The following DLGAP2 variants were observed in gnomAD, a reference collection of about 807,000 sequenced individuals.
The protein encoded by DLGAP2 is DLG associated protein 2.
A neutral mutation model predicts 100.3 loss-of-function variants in DLGAP2; 26 were observed. That is an observed-to-expected ratio of 0.26 (90% CI 0.19 to 0.36). The LOEUF (loss-of-function observed/expected upper bound fraction) is 0.36. DLGAP2 is among the 10% of genes least tolerant of loss of function. The pLI is 1.00. For synonymous variants in DLGAP2, 886 were observed against 630.1 expected (o/e 1.41, Z -6.08); for missense variants, 1,858 against 1,453.2 (o/e 1.28, Z -4.53).
intron 3 of DLGAP2, among the ~76,000 whole-genome samples, chr8:1,269,582 C>G (rs1025494375): frequency 2.0e-5 from 3 of 152,184 alleles, no homozygotes; most frequent in Non-Finnish European, 4.4e-5. Flanking sequence ...GCTCTCCTCT[C>G]TGATTGGTAC....
chr8:1,358,131 AAG>A (rs766957635), intron 3 of DLGAP2, among the ~76,000 whole-genome samples: 1 of 152,162 alleles, frequency 6.6e-6, no homozygotes, highest in Middle Eastern at 3.2e-3. Flanking sequence ...TGTAAAATAA[AAG>A]AGAAAATCCA....
chr8:1,094,029 GGGTGGAGGGAGGGCAGCTCCGC>G (rs897440609), intron 2 of DLGAP2, among the ~76,000 whole-genome samples: 20 of 151,460 alleles, frequency 1.3e-4, no homozygotes, highest in East Asian at 3.9e-4. Flanking sequence ...GCTTCGCGGT[GGGTGGAGGGAGGGCAGCTCCGC>G]GGTGGAGGGA....
chr8:1,616,519 A>G (rs1193745479), intron 6 of DLGAP2, among the ~76,000 whole-genome samples: 2 of 152,234 alleles, frequency 1.3e-5, no homozygotes, highest in Non-Finnish European at 2.9e-5. Context: ...CAGAAACCAG[A>G]GGAATAATTA....
At chr8:1,486,793 A>G (rs1351986381) in intron 3 of DLGAP2, among the ~76,000 whole-genome samples, 2 of 152,248 alleles carry the variant, frequency 1.3e-5, no homozygotes, top group Non-Finnish European at 2.9e-5. Flanking sequence ...AGAATCATGC[A>G]TTTGAGTCAC....
At chr8:1,515,154 G>C (rs1800321229) in intron 4 of DLGAP2, among the ~76,000 whole-genome samples, 1 of 152,158 alleles carries the variant, frequency 6.6e-6, no homozygotes, top group Non-Finnish European at 1.5e-5. Flanking sequence ...AGGAGACATG[G>C]AAGGCAGCCT....
Position 1,288,560 on chromosome 8 carries a change from G to GGTT in DLGAP2, c.106+29678_106+29680dup, listed in dbSNP as rs1554434988. 2.0e-3 allele frequency among the ~76,000 whole-genome samples: 246 copies of GGTT among 125,798 alleles called. 4 individuals are homozygous for GGTT. Among genetic ancestry groups the GGTT allele is most frequent in the South Asian group, 6.6e-3 (24 of 3,656 alleles). 82.5% of individuals were successfully genotyped at this position (125,798 alleles called of 152,430 possible). A position where few individuals can be genotyped will look rare whatever the true frequency, so the allele number is the denominator to read the frequency against. On this transcript the variant is annotated intron_variant, in intron 3 of 14. Coordinates refer to ENST00000637795, the MANE Select transcript of DLGAP2 (RefSeq NM_001346810.2). ...GTTGAGTGTGTGTGTGTGTGTGTGT[G>GGTT]GTTAGGAGGGGAACTAGTTTCAGTT...
intron 3 of DLGAP2, among the ~76,000 whole-genome samples, chr8:1,260,145 C>A (rs1421168602): frequency 6.6e-6 from 1 of 152,072 alleles, no homozygotes; most frequent in African/African-American, 2.4e-5. Flanking sequence ...CAGGTCCTTT[C>A]CCCTGGAGAC....
At chr8:1,054,280 G>GCA (rs369833010) in intron 2 of DLGAP2, among the ~76,000 whole-genome samples, 17 of 151,290 alleles carry the variant, frequency 1.1e-4, no homozygotes, top group African/African-American at 2.9e-4. Context: ...GGACACACAC[G>GCA]CACACACACA....
intron 3 of DLGAP2, among the ~76,000 whole-genome samples, chr8:1,342,106 A>T (rs1323717452): frequency 6.6e-6 from 1 of 151,448 alleles, no homozygotes; most frequent in Admixed American, 6.6e-5. Flanking sequence ...AGGTGCCCCT[A>T]CCCCCAGCTG....
chr8:1,426,082 G>C (rs919723826), intron 3 of DLGAP2, among the ~76,000 whole-genome samples: 2 of 152,184 alleles, frequency 1.3e-5, no homozygotes, highest in Non-Finnish European at 2.9e-5. Flanking sequence ...CCCTAAGGCC[G>C]GGAGAAAGCG....
At chr8:759,538 G>C (rs548897196) in intron 1 of DLGAP2, among the ~76,000 whole-genome samples, 3 of 152,180 alleles carry the variant, frequency 2.0e-5, no homozygotes, top group African/African-American at 7.2e-5. Context: ...GGGTTGGGAC[G>C]GGTGTGCACA....
chr8:1,187,380 C>G (rs189555015), intron 2 of DLGAP2, among the ~76,000 whole-genome samples: 3 of 138,304 alleles, frequency 2.2e-5, no homozygotes, highest in African/African-American at 5.6e-5. Context: ...CGCCCGGGAC[C>G]TCCGTGACGT....
At chr8:1,072,782 C>G (rs958076437) in intron 2 of DLGAP2, among the ~76,000 whole-genome samples, 1 of 152,192 alleles carries the variant, frequency 6.6e-6, no homozygotes, top group Non-Finnish European at 1.5e-5. Flanking sequence ...TTCTGTTTAG[C>G]CAGCGTTTGT....
chr8:1,244,758 C>T (rs1268127201), intron 2 of DLGAP2, among the ~76,000 whole-genome samples: 2 of 151,948 alleles, frequency 1.3e-5, no homozygotes, highest in African/African-American at 4.8e-5. Flanking sequence ...GCACAAGCAA[C>T]AAAAGAAAAA....
chr8:1,503,636 T>C (rs751399180), intron 4 of DLGAP2, among the ~76,000 whole-genome samples: 5 of 152,102 alleles, frequency 3.3e-5, no homozygotes, highest in Non-Finnish European at 5.9e-5. Context: ...TGTCCAGAAG[T>C]GGAATTGGTG....
chr8:1,173,978 G>A lies in DLGAP2; in HGVS notation c.74-84873G>A, dbSNP rs966851718. 1.4e-4 allele frequency among the ~76,000 whole-genome samples: 21 copies of A among 152,136 alleles called. 1 individual carries two copies. Among genetic ancestry groups the A allele is most frequent in the Admixed American group, 3.9e-4 (6 of 15,276 alleles). ...AATCACCGTCTTCTGTGTCGCTCAC[G>A]CTGGGAGCTGTAGACTGGAGCTATT... On this transcript the variant is annotated intron_variant, in intron 2 of 14. Transcript: ENST00000637795.
At chr8:1,423,881 A>T (rs1318165543) in intron 3 of DLGAP2, among the ~76,000 whole-genome samples, 1 of 152,242 alleles carries the variant, frequency 6.6e-6, no homozygotes, top group South Asian at 2.1e-4. Flanking sequence ...CCCTGCATGG[A>T]AACATCAAGA....
chr8:921,123 T>C (rs906573000), intron 2 of DLGAP2, among the ~76,000 whole-genome samples: 1 of 152,178 alleles, frequency 6.6e-6, no homozygotes, highest in African/African-American at 2.4e-5. Context: ...ACCATCTCCA[T>C]CTCCTTCTGC....
chr8:1,360,756 C>T (rs573519814), intron 3 of DLGAP2, among the ~76,000 whole-genome samples: 19 of 152,168 alleles, frequency 1.2e-4, no homozygotes, highest in Non-Finnish European at 2.6e-4. Context: ...CCTGTTTGAT[C>T]ATGATGGTCT....
Sources: gnomAD v4.1 joint callset for allele counts (sites outside exome capture counted in the v4.1 genomes callset) on GRCh38, gnomAD v4.1.1 for gene constraint, MANE v1.5 for transcripts, NCBI Gene and HGNC (gene_info 2026-07-23, HGNC 2026-07-21) for gene names.